BAMBI: variants seen among roughly 807,000 people sequenced by gnomAD.
The protein encoded by BAMBI is BMP and activin membrane-bound inhibitor homolog.
BAMBI carries 21 observed loss-of-function variants against 24.1 expected under a neutral mutation model. The ratio of observed to expected loss-of-function variants is 0.87; its 90% confidence interval spans 0.62 to 1.26. The LOEUF (loss-of-function observed/expected upper bound fraction) is 1.26, where lower values mean the gene tolerates loss of function less well. BAMBI is among the 50% of genes most tolerant of loss of function. The pLI is 0.00. For missense variants in BAMBI, 388 were observed against 329.1 expected, an observed-to-expected ratio of 1.18 and a Z score of -1.38; for synonymous variants, 156 against 123.1, an observed-to-expected ratio of 1.27 and a Z score of -1.77.
rs181730452 is a variant in BAMBI, at chr10:28,680,852, T to C, written c.77-406T>C. Among the ~76,000 whole-genome samples the C allele has an allele frequency of 2.2e-3, 331 of 152,306 alleles. 2 individuals carry two copies. Among genetic ancestry groups the C allele is most frequent in the African/African-American group, 7.5e-3 (311 of 41,574 alleles). On this transcript the variant is annotated intron_variant, in intron 1 of 2. Coordinates refer to ENST00000375533, the MANE Select transcript of BAMBI (RefSeq NM_012342.3). ...TGCAGTCCTGTGGGATAGTAAACAA[T>C]TCAGTAGTTCCGATCAAATATTTAT...
Position 28,682,269 on chromosome 10 carries a change from G to A in BAMBI, c.651G>A (p.Val217=). ...CAAAGTTAGACTTGGAATGCATGGT[G>A]CCGGTCAGTGGGCACGAGAACTGCT... ...QVAKLDLECM[V]PVSGHENCCL... is the part of the protein sequence containing the mutation. Residue 217 remains valine (V), a synonymous_variant, in exon 3 of 3, where the codon GTG becomes GTA. Coordinates refer to ENST00000375533, the MANE Select transcript of BAMBI (RefSeq NM_012342.3). The A allele has an allele frequency of 1.2e-6, 2 of 1,614,160 alleles. No individual in the cohort carries two copies. Among genetic ancestry groups the A allele is most frequent in the Non-Finnish European group, 1.7e-6 (2 of 1,180,036 alleles).
intron 1 of BAMBI, among the ~76,000 whole-genome samples, chr10:28,678,262 G>C (rs532879382): frequency 6.6e-6 from 1 of 152,186 alleles, no homozygotes; most frequent in Non-Finnish European, 1.5e-5. Context: ...CGACGCCGCC[G>C]CTTCCGCACC....
chr10:28,678,244 C>G (rs1588642698), intron 1 of BAMBI, among the ~76,000 whole-genome samples: 1 of 152,178 alleles, frequency 6.6e-6, no homozygotes, highest in African/African-American at 2.4e-5. Flanking sequence ...GGGCCGGAGT[C>G]TCGGCCTCGA....
At position 28,682,268 on chromosome 10, in the gene BAMBI, T is replaced by C. The variant is rs1295113449; in HGVS notation, c.650T>C (p.Val217Ala). 1.4e-5 allele frequency: 23 copies of C among 1,614,030 alleles called. No homozygotes were observed. Among genetic ancestry groups the C allele is most frequent in the Non-Finnish European group, 1.9e-5 (23 of 1,180,034 alleles). ...GCAAAGTTAGACTTGGAATGCATGG[T>C]GCCGGTCAGTGGGCACGAGAACTGC... ...QVAKLDLECM[V>A]PVSGHENCCL... Residue 217 changes from valine (V) to alanine (A), a missense_variant, in exon 3 of 3, where the codon GTG (valine) becomes GCG (alanine). Coordinates refer to ENST00000375533, the MANE Select transcript of BAMBI (RefSeq NM_012342.3).
At chr10:28,679,802 A>G (rs1834478944) in intron 1 of BAMBI, among the ~76,000 whole-genome samples, 1 of 152,188 alleles carries the variant, frequency 6.6e-6, no homozygotes, top group Admixed American at 6.5e-5. Flanking sequence ...TGGAAAATAA[A>G]GTGAGCTTGG....
At chr10:28,681,608 CT>C in intron 2 of BAMBI, 63 bp downstream of exon 2, 1 of 1,512,348 alleles carries the variant, frequency 6.6e-7, no homozygotes, top group East Asian at 2.3e-5. Flanking sequence ...ACAGCCACGA[CT>C]TTGTATGTCT....
Position 28,682,278 on chromosome 10 carries a change from T to A in BAMBI, c.660T>A (p.Ser220Arg). 1 of 1,614,112 alleles carries A rather than the reference T, an allele frequency of 6.2e-7. No individual in the cohort carries two copies. Residue 220 changes from serine (S) to arginine (R), a missense_variant, in exon 3 of 3, where the codon AGT becomes AGA. By Grantham distance (110) the Ser-to-Arg change is moderately radical. Transcript: ENST00000375533. Reference protein sequence around the residue: ...KLDLECMVPVSGHENCCLTCD... With the variant: ...KLDLECMVPVRGHENCCLTCD... ...ACTTGGAATGCATGGTGCCGGTCAG[T>A]GGGCACGAGAACTGCTGTCTGACCT...
intron 1 of BAMBI, 85 bp downstream of exon 1, chr10:28,678,058 G>A: frequency 7.9e-7 from 1 of 1,263,170 alleles, no homozygotes; most frequent in South Asian, 1.4e-5. Context: ...GTTAGCGGCA[G>A]GCGAGGCTCC....
In BAMBI at chr10:28,682,431, A is replaced by G; in HGVS notation, c.*30A>G. ...GTCTTATCTGAACTACACTTACTGA[A>G]CAGCTTGAAGGCCTTTTGAGTTCTG... On this transcript the variant is annotated 3_prime_UTR_variant, in exon 3 of 3. Transcript: ENST00000375533. The G allele has an allele frequency of 6.3e-7, 1 of 1,583,710 alleles. No homozygotes were observed. The highest frequency in any genetic ancestry group is 8.6e-7 in the Non-Finnish European group (1 of 1,160,026).
intron 2 of BAMBI, 33 bp from the exon 3 acceptor site, chr10:28,681,950 T>C: frequency 6.4e-7 from 1 of 1,568,208 alleles, no homozygotes. Flanking sequence ...GGAGTTAGCA[T>C]GGAGTTTGAT....
chr10:28,679,728 A>G (rs534115968), intron 1 of BAMBI, among the ~76,000 whole-genome samples: 115 of 152,318 alleles, frequency 7.5e-4, no homozygotes, highest in Non-Finnish European at 1.3e-3. Context: ...CTTTAAATCT[A>G]TATATGGAAT....
At position 28,682,100 on chromosome 10, in the gene BAMBI, G is replaced by A; in HGVS notation, c.482G>A (p.Gly161Glu). Residue 161 changes from glycine (G) to glutamate (E), a missense_variant, in exon 3 of 3, where the codon GGA (glycine) becomes GAA (glutamate). Transcript: ENST00000375533. The part of the protein sequence containing the change: ...RAAVIAVPIA[G>E]GLILVLLIML... Reference sequence around the variant, plus strand: ...GCGGTCATTGCCGTGCCCATTGCTGGAGGGCTGATTTTAGTGTTGCTTATT... The same window carrying A: ...GCGGTCATTGCCGTGCCCATTGCTGAAGGGCTGATTTTAGTGTTGCTTATT... The A allele has an allele frequency of 6.2e-7, 1 of 1,614,176 alleles. No individual in the cohort carries two copies. Among genetic ancestry groups the A allele is most frequent in the Non-Finnish European group, 8.5e-7 (1 of 1,180,038 alleles).
intron 2 of BAMBI, 68 bp from the exon 3 acceptor site, chr10:28,681,915 T>C (rs1834501851): frequency 5.8e-6 from 8 of 1,384,116 alleles, no homozygotes; most frequent in South Asian, 1.4e-5. Flanking sequence ...TTAAAATGAA[T>C]TGATGATTAT....
At chr10:28,678,763 AG>A (rs1834465771) in intron 1 of BAMBI, among the ~76,000 whole-genome samples, 1 of 150,488 alleles carries the variant, frequency 6.6e-6, no homozygotes, top group Non-Finnish European at 1.5e-5. Context: ...AGCAGCCGGG[AG>A]GAGTAGGCTC....
intron 2 of BAMBI, 36 bp downstream of exon 2, chr10:28,681,581 TG>T: frequency 1.9e-6 from 3 of 1,601,770 alleles, no homozygotes; most frequent in Non-Finnish European, 2.6e-6. Flanking sequence ...AATGCCTGCC[TG>T]ATCTATAGAC....
intron 1 of BAMBI, among the ~76,000 whole-genome samples, chr10:28,679,077 C>G (rs1211452672): frequency 6.6e-6 from 1 of 152,160 alleles, no homozygotes; most frequent in African/African-American, 2.4e-5. Context: ...GGATGATGTG[C>G]TACAGTATTT....
rs1285722035 is a variant in BAMBI at position 28,682,367 on chromosome 10, T to C, written c.749T>C (p.Met250Thr). ...ATCCTCTCGCTTGTTCACTGGGGCA[T>C]GTACAGTGGGCACGGGAAGCTGGAA... ...DKILSLVHWG[M>T]YSGHGKLEFV is the part of the protein sequence containing the mutation. The change falls in exon 3 of 3, where the codon ATG (methionine) becomes ACG (threonine). Residue 250 changes from methionine (M) to threonine (T), a missense_variant. Met to Thr is a moderately conservative substitution (Grantham distance 81). Transcript: ENST00000375533. 5.6e-6 allele frequency: 9 copies of C among 1,612,360 alleles called. No individual in the cohort carries two copies. Among genetic ancestry groups the C allele is most frequent in the Non-Finnish European group, 7.6e-6 (9 of 1,178,520 alleles).
rs1437502095 is a variant in BAMBI at position 28,677,550 on chromosome 10, T to G, written c.-348T>G. The G allele has an allele frequency of 1.2e-5, 2 of 167,460 alleles. No homozygotes were observed. The highest frequency in any genetic ancestry group is 2.5e-5 in the Non-Finnish European group (2 of 78,658). The allele number at this position is 167,460 out of a possible 1,614,324, so 10.4% of individuals were successfully genotyped here. Reference sequence around the variant, plus strand: ...TGGCGCGGGCGGGAGCTGCGGCGGATACCCTTGCGTGCTGTGGAGACCCTA... The same window carrying G: ...TGGCGCGGGCGGGAGCTGCGGCGGAGACCCTTGCGTGCTGTGGAGACCCTA... On this transcript the variant is annotated 5_prime_UTR_variant, in exon 1 of 3. Transcript: ENST00000375533.
intron 1 of BAMBI, among the ~76,000 whole-genome samples, chr10:28,679,441 G>A (rs146412830): frequency 0.013 from 1,945 of 152,094 alleles, 15 homozygotes; most frequent in Non-Finnish European, 0.017. Flanking sequence ...CCTTTTGCAT[G>A]CCACAGGAAG....
Sources: gnomAD v4.1 joint callset for allele counts (sites outside exome capture counted in the v4.1 genomes callset) on GRCh38, gnomAD v4.1.1 for gene constraint, MANE v1.5 for transcripts, NCBI Gene and HGNC (gene_info 2026-07-23, HGNC 2026-07-21) for gene names.